SPTB: variants seen among roughly 807,000 people sequenced by gnomAD.
SPTB encodes the protein spectrin beta chain, erythrocytic.
In SPTB, 45 loss-of-function variants were observed where a neutral mutation model predicts 256.2. That is an observed-to-expected ratio of 0.18 (90% CI 0.14 to 0.23). The LOEUF (loss-of-function observed/expected upper bound fraction) is 0.23, where lower values mean the gene tolerates loss of function less well. Among genes scored for constraint, SPTB ranks in the 10% least tolerant of loss-of-function variants. SPTB has a pLI of 1.00. For missense variants in SPTB, 2,715 were observed against 3,040.4 expected (o/e 0.89, Z 2.52); for synonymous variants, 1,231 against 1,243.1 (o/e 0.99, Z 0.21).
At position 64,785,391 on chromosome 14, in the gene SPTB, A is replaced by G; in HGVS notation, c.3855+146T>C. 1 of 704,538 alleles carries G rather than the reference A, an allele frequency of 1.4e-6. No homozygotes were observed. Among genetic ancestry groups the G allele is most frequent in the Non-Finnish European group, 2.5e-6 (1 of 407,306 alleles). 43.6% of individuals were successfully genotyped at this position (704,538 alleles called of 1,614,324 possible). A position where few individuals can be genotyped will look rare whatever the true frequency, so the allele number is the denominator to read the frequency against. Reference sequence around the variant, plus strand: ...GTGCAACTGAAGATTCCAGAGAATGACCCAATTAAGTACCCAGAGGTCCCC... The same window carrying G: ...GTGCAACTGAAGATTCCAGAGAATGGCCCAATTAAGTACCCAGAGGTCCCC... On this transcript the variant is annotated intron_variant, in intron 18 of 35. Transcript: ENST00000644917. This position sits in a 1 kb window ranked among gnomAD's most constrained non-coding sequence, Gnocchi z 4.4.
At chr14:64,755,735 T>C (rs530583305) in intron 32 of SPTB, 1 of 152,038 alleles carries the variant, frequency 6.6e-6, no homozygotes, top group African/African-American at 2.4e-5. Context: ...AGGGGAAATA[T>C]CTATGCAGGA....
Position 64,751,946 on chromosome 14 carries a change from T to TAAAAAAAA in SPTB, c.6602+1590_6602+1591insTTTTTTTT, listed in dbSNP as rs1566731898. ...AAAATGCAAAAAAAAAAAAAAAAAT[T>TAAAAAAAA]AGCCAGGCGTGGTGGCACGTGCCTG... On this transcript the variant is annotated intron_variant, in intron 33 of 35. Coordinates refer to ENST00000644917, the MANE Select transcript of SPTB (RefSeq NM_001355436.2). Among the ~76,000 whole-genome samples the TAAAAAAAA allele has an allele frequency of 4.1e-4, 37 of 90,458 alleles. 2 individuals are homozygous for TAAAAAAAA. The highest frequency in any genetic ancestry group is 7.0e-4 in the African/African-American group (16 of 22,730). The allele number at this position is 90,458 out of a possible 152,430, so 59.3% of individuals were successfully genotyped here.
chr14:64,840,720 T>C (rs770859941), intron 1 of SPTB, among the ~76,000 whole-genome samples: 2 of 152,198 alleles, frequency 1.3e-5, no homozygotes, highest in Non-Finnish European at 2.9e-5. Context: ...ACACACTTAC[T>C]GAGCTCCTTA....
chr14:64,762,051 C>G (rs959206623), intron 32 of SPTB, among the ~76,000 whole-genome samples: 1 of 152,154 alleles, frequency 6.6e-6, no homozygotes, highest in Non-Finnish European at 1.5e-5. Context: ...AAGGGACATG[C>G]CCAGCAGCGG....
At chr14:64,836,582 T>C (rs1341494542) in intron 1 of SPTB, among the ~76,000 whole-genome samples, 2 of 151,968 alleles carry the variant, frequency 1.3e-5, no homozygotes, top group Admixed American at 6.6e-5. Flanking sequence ...TTCTCCTTTG[T>C]CCCTGCCTCA....
chr14:64,788,564 G>C (rs1053218226), intron 15 of SPTB, among the ~76,000 whole-genome samples: 4 of 152,208 alleles, frequency 2.6e-5, no homozygotes, highest in Admixed American at 2.6e-4. Context: ...AGGAAATCAA[G>C]GGGTTTTCTC....
chr14:64,751,334 G>C lies in SPTB; in HGVS notation c.6603-1180C>G, dbSNP rs570860158. ...AGGGTTTCACCACGTTGGCCAGGCT[G>C]GTCTCAAACTCCTGACCTCAGGCGA... On this transcript the variant is annotated intron_variant, in intron 33 of 35. Coordinates refer to ENST00000644917, the MANE Select transcript of SPTB (RefSeq NM_001355436.2). Among the ~76,000 whole-genome samples, 810 of 151,940 alleles carry C rather than the reference G, an allele frequency of 5.3e-3. 10 individuals are homozygous for C. Among genetic ancestry groups the C allele is most frequent in the African/African-American group, 0.019 (775 of 41,436 alleles).
chr14:64,818,227 G>A (rs1452561320), intron 2 of SPTB, among the ~76,000 whole-genome samples: 1 of 152,216 alleles, frequency 6.6e-6, no homozygotes, highest in African/African-American at 2.4e-5. Flanking sequence ...AAGAACAGGA[G>A]GAAGACTGAG....
intron 1 of SPTB, among the ~76,000 whole-genome samples, chr14:64,874,968 T>C (rs1232810233): frequency 6.6e-6 from 1 of 152,180 alleles, no homozygotes; most frequent in Non-Finnish European, 1.5e-5. Context: ...GCCTTTTCAC[T>C]TGCTAAATTT....
rs1387465654 is a variant in SPTB at position 64,847,913 on chromosome 14, T to A, written c.-51-24768A>T. On this transcript the variant is annotated intron_variant, in intron 1 of 35. Coordinates refer to ENST00000644917, the MANE Select transcript of SPTB (RefSeq NM_001355436.2). This position sits in a 1 kb window ranked among gnomAD's most constrained non-coding sequence, Gnocchi z 5.9. ...CTCCACACCTCCGCTTCCTCCACTG[T>A]CCGTGGCCAGGTGATCGCATGCATC... Among the ~76,000 whole-genome samples the A allele has an allele frequency of 6.6e-6, 1 of 152,154 alleles. No individual in the cohort carries two copies. The highest frequency in any genetic ancestry group is 1.5e-5 in the Non-Finnish European group (1 of 68,010).
intron 1 of SPTB, among the ~76,000 whole-genome samples, chr14:64,862,977 A>G (rs1185714951): frequency 5.3e-5 from 8 of 152,122 alleles, no homozygotes; most frequent in Non-Finnish European, 8.8e-5. Context: ...GCTGGATCCT[A>G]CCTCACATAG....
intron 1 of SPTB, among the ~76,000 whole-genome samples, chr14:64,840,740 T>C (rs1213435568): frequency 1.3e-5 from 2 of 152,112 alleles, no homozygotes; most frequent in Admixed American, 6.5e-5. Flanking sequence ...ACTTCTGGAG[T>C]CTGTCAATGT....
chr14:64,823,241 C>G lies in SPTB; in HGVS notation c.-51-96G>C. 1.1e-6 allele frequency: 1 copy of G among 927,170 alleles called. No individual in the cohort carries two copies. The highest frequency in any genetic ancestry group is 1.4e-5 in the South Asian group (1 of 71,910). 57.4% of individuals were successfully genotyped at this position (927,170 alleles called of 1,614,324 possible). ...TCGGAGCATCCAACGTGAGTAGATCCTGACAGAAGCAGAACGCCATGTCAT... is the reference window on the plus strand; with the variant it reads ...TCGGAGCATCCAACGTGAGTAGATCGTGACAGAAGCAGAACGCCATGTCAT... On this transcript the variant is annotated intron_variant, in intron 1 of 35. Transcript: ENST00000644917. The surrounding 1 kb of genome is among the most constrained non-coding windows in gnomAD (Gnocchi z 6.5).
intron 2 of SPTB, among the ~76,000 whole-genome samples, chr14:64,818,510 C>T (rs2083232229): frequency 6.6e-6 from 1 of 152,182 alleles, no homozygotes; most frequent in African/African-American, 2.4e-5. Flanking sequence ...GCTCTCCCTT[C>T]TGGGCCACAT....
chr14:64,753,965 C>T (rs1307746861), intron 32 of SPTB, 172 bp from the exon 33 acceptor site: 11 of 808,106 alleles, frequency 1.4e-5, no homozygotes, highest in Non-Finnish European at 2.0e-5. Context: ...CTATGGGTGC[C>T]CCCTTGCTTC....
chr14:64,846,177 A>G (rs1000496921), intron 1 of SPTB, among the ~76,000 whole-genome samples: 8 of 152,218 alleles, frequency 5.3e-5, no homozygotes, highest in African/African-American at 1.9e-4. Flanking sequence ...CTACACACAG[A>G]AGCCCGATCT....
chr14:64,758,464 G>A lies in SPTB; in HGVS notation c.6346-4671C>T, dbSNP rs769617103. ...GCCTGAGGCCCTGCCTCAAGGCTTG[G>A]AGTGGGGCACTGAGGTGGAGGGGCC... On this transcript the variant is annotated intron_variant, in intron 32 of 35. Coordinates refer to ENST00000644917, the MANE Select transcript of SPTB (RefSeq NM_001355436.2). This position sits in a 1 kb window ranked among gnomAD's most constrained non-coding sequence, Gnocchi z 4.6. 1.1e-4 allele frequency among the ~76,000 whole-genome samples: 16 copies of A among 152,362 alleles called. No individual in the cohort carries two copies. The highest frequency in any genetic ancestry group is 1.8e-4 in the Non-Finnish European group (12 of 68,036).
chr14:64,752,844 T>A (rs1352482264), intron 33 of SPTB, among the ~76,000 whole-genome samples: 1 of 152,104 alleles, frequency 6.6e-6, no homozygotes, highest in East Asian at 1.9e-4. Flanking sequence ...TGCTGCCCTA[T>A]TTTCTTGGGA....
chr14:64,769,519 A>T, intron 28 of SPTB, 71 bp downstream of exon 28: 1 of 1,595,426 alleles, frequency 6.3e-7, no homozygotes, highest in Non-Finnish European at 8.5e-7. Flanking sequence ...TCTCCCTCCC[A>T]GGAGGCTGCC....
Sources: allele counts gnomAD v4.1 joint callset (sites outside exome capture counted in the v4.1 genomes callset), GRCh38; gene constraint gnomAD v4.1.1; non-coding constraint Gnocchi (gnomAD v3.1); transcripts MANE v1.5; gene names NCBI Gene and HGNC (gene_info 2026-07-23, HGNC 2026-07-21).